ZKSCAN8: variants seen among roughly 807,000 people sequenced by gnomAD.
ZKSCAN8 encodes zinc finger with KRAB and SCAN domains 8.
A neutral mutation model predicts 57.2 loss-of-function variants in ZKSCAN8; 27 were observed. That is an observed-to-expected ratio of 0.47 (90% CI 0.35 to 0.65). ZKSCAN8 has a LOEUF of 0.65. ZKSCAN8 is among the 30% of genes least tolerant of loss of function. The pLI, the probability that ZKSCAN8 is intolerant of heterozygous loss-of-function variation, is 0.01. For synonymous variants in ZKSCAN8, 214 were observed against 248.7 expected (o/e 0.86, Z 1.31); for missense variants, 597 against 696.3 (o/e 0.86, Z 1.60).
At chr6:28,148,084 C>A (rs1217186189) in intron 1 of ZKSCAN8, among the ~76,000 whole-genome samples, 3 of 152,116 alleles carry the variant, frequency 2.0e-5, no homozygotes, top group Admixed American at 6.5e-5. Context: ...TGTTCCACAT[C>A]CCCAAACAGG....
chr6:28,146,477 A>T (rs1312872628), intron 1 of ZKSCAN8, among the ~76,000 whole-genome samples: 1 of 152,206 alleles, frequency 6.6e-6, no homozygotes, highest in Non-Finnish European at 1.5e-5. Flanking sequence ...GTCAAAGAAG[A>T]CTTCAACGGA....
In ZKSCAN8 at chr6:28,153,591, T is replaced by C; in HGVS notation, c.1311T>C (p.Asn437=). The change falls in exon 6 of 6, where the codon AAT becomes AAC. Residue 437 remains asparagine, a synonymous_variant. Coordinates refer to ENST00000330236, the MANE Select transcript of ZKSCAN8 (RefSeq NM_006298.4). ...IHSGERPYEC[N]ECGKAFSHSS... ...GTGGAGAGAGACCCTATGAATGTAA[T>C]GAGTGTGGGAAAGCTTTCAGTCATA... is the stretch of plus-strand genomic sequence containing the variant. 6.2e-6 allele frequency: 10 copies of C among 1,613,006 alleles called. No homozygotes were observed. Among genetic ancestry groups the C allele is most frequent in the Middle Eastern group, 1.7e-4 (1 of 6,058 alleles).
At chr6:28,151,445 A>G (rs1273533666) in intron 3 of ZKSCAN8, among the ~76,000 whole-genome samples, 1 of 152,234 alleles carries the variant, frequency 6.6e-6, no homozygotes, top group African/African-American at 2.4e-5. Flanking sequence ...TGGGAGCCAT[A>G]GTAGACATTT....
Position 28,148,329 on chromosome 6 carries a change from AAG to A in ZKSCAN8, c.-76_-75del. 1 of 1,447,276 alleles carries A rather than the reference AAG, an allele frequency of 6.9e-7. No homozygotes were observed. The highest frequency in any genetic ancestry group is 9.3e-7 in the Non-Finnish European group (1 of 1,075,564). The allele number at this position is 1,447,276 out of a possible 1,614,324, so 89.7% of individuals were successfully genotyped here. On this transcript the variant is annotated 5_prime_UTR_variant, in exon 2 of 6. Transcript: ENST00000330236. ...TTCTTCATGAAGAAGTACCCTTAGAAAGAGGCCCTCAGAAGAGTCTTCTCTTA... is the reference window on the plus strand; with the variant it reads ...TTCTTCATGAAGAAGTACCCTTAGAAAGGCCCTCAGAAGAGTCTTCTCTTA...
chr6:28,148,545 C>T lies in ZKSCAN8; in HGVS notation c.138C>T (p.Gly46=). Residue 46 remains glycine (G), a synonymous_variant, in exon 2 of 6, where the codon GGC becomes GGT. Coordinates refer to ENST00000330236, the MANE Select transcript of ZKSCAN8 (RefSeq NM_006298.4). ...GTCTGCATGAAAGTAACCCTCTTGG[C>T]CAAGAAGTGTTCCGCCTGCGCTTCA... is the stretch of plus-strand genomic sequence containing the variant. ...ESSLHESNPL[G]QEVFRLRFRQ... is the part of the protein sequence containing the mutation. 1.2e-6 allele frequency: 2 copies of T among 1,614,126 alleles called. No individual in the cohort carries two copies. The highest frequency in any genetic ancestry group is 1.7e-6 in the Non-Finnish European group (2 of 1,180,030).
chr6:28,148,294 CTA>C lies in ZKSCAN8; in HGVS notation c.-92-20_-92-19del, dbSNP rs1765468059. 2 of 1,159,298 alleles carry C rather than the reference CTA, an allele frequency of 1.7e-6. No homozygotes were observed. Among genetic ancestry groups the C allele is most frequent in the South Asian group, 1.6e-5 (1 of 61,166 alleles). 71.8% of individuals were successfully genotyped at this position (1,159,298 alleles called of 1,614,324 possible). On this transcript the variant is annotated intron_variant, in intron 1 of 5. Transcript: ENST00000330236. ...CAATGACTTTTGACTTGCCTTAACACTATCATATTTTCTTCATGAAGAAGTAC... is the reference window on the plus strand; with the variant it reads ...CAATGACTTTTGACTTGCCTTAACACTCATATTTTCTTCATGAAGAAGTAC...
chr6:28,142,556 A>G (rs1163876083), intron 1 of ZKSCAN8, among the ~76,000 whole-genome samples: 1 of 151,244 alleles, frequency 6.6e-6, no homozygotes, highest in African/African-American at 2.4e-5. Flanking sequence ...ATTTCAGGGT[A>G]ATTCAGAATT....
chr6:28,148,553 T>C lies in ZKSCAN8; in HGVS notation c.146T>C (p.Val49Ala). 2 of 1,614,050 alleles carry C rather than the reference T, an allele frequency of 1.2e-6. No homozygotes were observed. Among genetic ancestry groups the C allele is most frequent in the East Asian group, 4.5e-5 (2 of 44,868 alleles). The change falls in exon 2 of 6, where the codon GTG becomes GCG. Residue 49 changes from valine to alanine, a missense_variant. Coordinates refer to ENST00000330236, the MANE Select transcript of ZKSCAN8 (RefSeq NM_006298.4). ...GAAAGTAACCCTCTTGGCCAAGAAG[T>C]GTTCCGCCTGCGCTTCAGGCAGTTA... Reference protein sequence around the residue: ...LHESNPLGQEVFRLRFRQLRY... With the variant: ...LHESNPLGQEAFRLRFRQLRY...
Position 28,154,862 on chromosome 6 carries a change from C to G in ZKSCAN8, c.*845C>G, listed in dbSNP as rs575175034. The G allele has an allele frequency of 7.5e-4, 115 of 152,640 alleles. No individual in the cohort carries two copies. The highest frequency in any genetic ancestry group is 1.4e-3 in the Non-Finnish European group (96 of 68,064). 9.5% of individuals were successfully genotyped at this position (152,640 alleles called of 1,614,324 possible). A position where few individuals can be genotyped will look rare whatever the true frequency, so the allele number is the denominator to read the frequency against. ...TTGGTGACTTCTGACTCTCCTTCCA[C>G]CTCCCCACTGTACACTGTGGTACAG... On this transcript the variant is annotated 3_prime_UTR_variant, in exon 6 of 6. Coordinates refer to ENST00000330236, the MANE Select transcript of ZKSCAN8 (RefSeq NM_006298.4).
chr6:28,146,622 G>A (rs1374916555), intron 1 of ZKSCAN8, among the ~76,000 whole-genome samples: 1 of 152,148 alleles, frequency 6.6e-6, no homozygotes, highest in Non-Finnish European at 1.5e-5. Flanking sequence ...TCTAAAATGT[G>A]TATCAAAAGA....
chr6:28,154,006 A>G lies in ZKSCAN8; in HGVS notation c.1726A>G (p.Ile576Val), dbSNP rs1561824061. The change falls in exon 6 of 6, where the codon ATA (isoleucine) becomes GTA (valine). Residue 576 changes from isoleucine to valine, a missense_variant. Physicochemically the swap from Ile to Val is conservative, Grantham distance 29 (BLOSUM62 3). Transcript: ENST00000330236. Reference protein sequence around the residue: ...RIHSGEKSESISV With the variant: ...RIHSGEKSESVSV Reference sequence around the variant, plus strand: ...CCACAGTGGTGAAAAATCTGAATCCATAAGCGTTTAGGAACAACATCAGTT... The same window carrying G: ...CCACAGTGGTGAAAAATCTGAATCCGTAAGCGTTTAGGAACAACATCAGTT... 1 of 1,595,580 alleles carries G rather than the reference A, an allele frequency of 6.3e-7. No homozygotes were observed. Among genetic ancestry groups the G allele is most frequent in the African/African-American group, 1.3e-5 (1 of 74,196 alleles).
chr6:28,146,831 T>G (rs914387068), intron 1 of ZKSCAN8, among the ~76,000 whole-genome samples: 32 of 152,176 alleles, frequency 2.1e-4, no homozygotes, highest in African/African-American at 7.7e-4. Flanking sequence ...TGAACTGATA[T>G]TTGACAAATA....
chr6:28,150,246 T>A (rs1409484171), intron 3 of ZKSCAN8, among the ~76,000 whole-genome samples: 1 of 152,206 alleles, frequency 6.6e-6, no homozygotes, highest in Non-Finnish European at 1.5e-5. Flanking sequence ...AACCTTTCTT[T>A]TTTTTTGAAG....
chr6:28,151,487 G>A (rs1765588917), intron 3 of ZKSCAN8, among the ~76,000 whole-genome samples: 1 of 152,192 alleles, frequency 6.6e-6, no homozygotes, highest in Non-Finnish European at 1.5e-5. Context: ...GAGACTGGTT[G>A]ATTCTGATAC....
Position 28,141,900 on chromosome 6 carries a change from T to A in ZKSCAN8, c.-222T>A, listed in dbSNP as rs1441567144. The A allele has an allele frequency of 6.5e-6, 1 of 152,674 alleles. No homozygotes were observed. Among genetic ancestry groups the A allele is most frequent in the African/African-American group, 2.4e-5 (1 of 41,468 alleles). The allele number at this position is 152,674 out of a possible 1,614,324, so 9.5% of individuals were successfully genotyped here. A position where few individuals can be genotyped will look rare whatever the true frequency, so the allele number is the denominator to read the frequency against. The stretch of plus-strand genomic sequence containing the variant: ...TGGCCGGTGTTGTGCCTCCGCAGAT[T>A]TAGAAGTTAGTGGCCGGAGGGGCCT... On this transcript the variant is annotated 5_prime_UTR_variant, in exon 1 of 6. Transcript: ENST00000330236.
At chr6:28,152,726 G>A (rs372368102) in intron 5 of ZKSCAN8, among the ~76,000 whole-genome samples, 3 of 152,074 alleles carry the variant, frequency 2.0e-5, no homozygotes, top group Non-Finnish European at 4.4e-5. Context: ...TTTGATGACT[G>A]GGCATTTTCC....
At chr6:28,152,029 G>C in intron 4 of ZKSCAN8, 93 bp downstream of exon 4, 1 of 1,458,550 alleles carries the variant, frequency 6.9e-7, no homozygotes, top group South Asian at 1.2e-5. Flanking sequence ...GTTTGTAGCA[G>C]TACCTACCCA....
chr6:28,148,258 A>G (rs1561818801), intron 1 of ZKSCAN8, 58 bp from the exon 2 acceptor site: 2 of 775,030 alleles, frequency 2.6e-6, no homozygotes, highest in Admixed American at 5.9e-5. Context: ...TTAAGATACC[A>G]TAGTTAGTTA....
intron 1 of ZKSCAN8, among the ~76,000 whole-genome samples, chr6:28,147,326 C>A (rs985693559): frequency 6.6e-6 from 1 of 151,900 alleles, no homozygotes; most frequent in Non-Finnish European, 1.5e-5. Context: ...ATATTAAAAC[C>A]ATAATGAGTT....
Sources: allele counts gnomAD v4.1 joint callset (sites outside exome capture counted in the v4.1 genomes callset), GRCh38; gene constraint gnomAD v4.1.1; transcripts MANE v1.5; gene names NCBI Gene and HGNC (gene_info 2026-07-23, HGNC 2026-07-21).